RALGAPB: variants seen among roughly 807,000 people sequenced by gnomAD.
RALGAPB encodes ral GTPase-activating protein subunit beta.
RALGAPB carries 25 observed loss-of-function variants against 161.1 expected under a neutral mutation model. The ratio of observed to expected loss-of-function variants is 0.16; its 90% CI spans 0.11 to 0.22. RALGAPB has a LOEUF of 0.22. Among genes scored for constraint, RALGAPB ranks in the 10% least tolerant of loss-of-function variants. The pLI is 1.00. For missense variants in RALGAPB, 1,391 were observed against 1,815.2 expected (o/e 0.77, Z 4.25); for synonymous variants, 629 against 626.1 (o/e 1.00, Z -0.07).
chr20:38,534,966 T>C, intron 15 of RALGAPB, 108 bp from the exon 16 acceptor site: 3 of 1,364,212 alleles, frequency 2.2e-6, no homozygotes, highest in South Asian at 2.6e-5. Flanking sequence ...TGCCCGTCGT[T>C]CTCACTGTGG....
At chr20:38,559,348 TGAG>T (rs991753232) in intron 23 of RALGAPB, among the ~76,000 whole-genome samples, 4 of 152,178 alleles carry the variant, frequency 2.6e-5, no homozygotes, top group African/African-American at 9.7e-5. Flanking sequence ...TCATTTCAGT[TGAG>T]GAATGCATAG....
intron 12 of RALGAPB, 99 bp downstream of exon 12, chr20:38,525,617 T>G (rs1600945578): frequency 2.0e-6 from 2 of 986,088 alleles, no homozygotes. Context: ...CTTTTTTTAT[T>G]TTTCAATTCA....
At chr20:38,528,499 T>A (rs2086542937) in intron 13 of RALGAPB, among the ~76,000 whole-genome samples, 1 of 152,024 alleles carries the variant, frequency 6.6e-6, no homozygotes, top group Non-Finnish European at 1.5e-5. Context: ...ACCTCTGAAG[T>A]AGCTGGGACC....
chr20:38,509,300 G>T, intron 6 of RALGAPB, 92 bp downstream of exon 6: 4 of 1,368,040 alleles, frequency 2.9e-6, no homozygotes, highest in Non-Finnish European at 4.1e-6. Context: ...AATTCAGAAG[G>T]TGGACACTAA....
intron 2 of RALGAPB, among the ~76,000 whole-genome samples, chr20:38,489,973 GAA>G (rs754080997): frequency 2.0e-5 from 3 of 151,328 alleles, no homozygotes; most frequent in Non-Finnish European, 2.9e-5. Flanking sequence ...TCTCACCATT[GAA>G]AAGAGATGAG....
Position 38,564,882 on chromosome 20 carries a change from CTTCCTCCTCCTCTT to C in RALGAPB, c.3698-464_3698-451del, listed in dbSNP as rs554944497. On this transcript the variant is annotated intron_variant, in intron 24 of 29. Transcript: ENST00000262879. Reference sequence around the variant, plus strand: ...CTGTCTCTTCCTCCCTCCTCCTCCTCTTCCTCCTCCTCTTTTCCTCCTCCTCCTCCCTTCTTCTT... The same window carrying C: ...CTGTCTCTTCCTCCCTCCTCCTCCTCTTCCTCCTCCTCCTCCCTTCTTCTT... Among the ~76,000 whole-genome samples, 23 of 151,542 alleles carry C rather than the reference CTTCCTCCTCCTCTT, an allele frequency of 1.5e-4. No homozygotes were observed. The East Asian group carries it at 3.3e-3, about 22-fold the overall frequency.
intron 2 of RALGAPB, among the ~76,000 whole-genome samples, chr20:38,491,712 A>G (rs1221980573): frequency 1.3e-5 from 2 of 152,154 alleles, no homozygotes; most frequent in African/African-American, 4.8e-5. Context: ...TTATGTGTAC[A>G]GTAAGGATAG....
intron 14 of RALGAPB, among the ~76,000 whole-genome samples, chr20:38,531,978 A>G (rs1414965636): frequency 1.3e-5 from 2 of 152,076 alleles, no homozygotes; most frequent in Non-Finnish European, 2.9e-5. Context: ...TAACCCTAGT[A>G]TTGTTTGTGT....
intron 19 of RALGAPB, 112 bp from the exon 20 acceptor site, chr20:38,548,577 T>C: frequency 1.2e-6 from 1 of 830,818 alleles, no homozygotes; most frequent in Non-Finnish European, 1.9e-6. Flanking sequence ...AGATCAAAGC[T>C]TAGGAAACAC....
intron 1 of RALGAPB, among the ~76,000 whole-genome samples, chr20:38,479,140 T>G (rs887970609): frequency 2.6e-5 from 4 of 152,126 alleles, no homozygotes; most frequent in African/African-American, 9.6e-5. Flanking sequence ...CATCTTTGAT[T>G]TCTCTTGTCT....
intron 1 of RALGAPB, among the ~76,000 whole-genome samples, chr20:38,485,626 C>T (rs2085091282): frequency 6.6e-6 from 1 of 152,110 alleles, no homozygotes; most frequent in Non-Finnish European, 1.5e-5. Flanking sequence ...GGGGTTTTGC[C>T]CTGTTGGCCA....
At chr20:38,540,819 A>G (rs1568956983) in intron 17 of RALGAPB, among the ~76,000 whole-genome samples, 1 of 152,172 alleles carries the variant, frequency 6.6e-6, no homozygotes, top group African/African-American at 2.4e-5. Flanking sequence ...TATTTATCTA[A>G]CACTCTAAAC....
chr20:38,503,153 T>A (rs2085646478), intron 5 of RALGAPB, among the ~76,000 whole-genome samples: 1 of 152,252 alleles, frequency 6.6e-6, no homozygotes, highest in Admixed American at 6.5e-5. Context: ...TTTATTTAGC[T>A]TTCTTTATTG....
intron 26 of RALGAPB, chr20:38,569,656 C>T: frequency 2.8e-5 from 13 of 461,852 alleles, no homozygotes; most frequent in South Asian, 1.5e-4. Flanking sequence ...TTCAGTATTC[C>T]TTCCTTTTTT....
chr20:38,546,182 C>A, intron 18 of RALGAPB, 61 bp from the exon 19 acceptor site: 1 of 1,605,936 alleles, frequency 6.2e-7, no homozygotes, highest in South Asian at 1.1e-5. Context: ...CACATTGATG[C>A]ACAAGGTAAA....
chr20:38,544,927 A>T (rs2087112561), intron 18 of RALGAPB, among the ~76,000 whole-genome samples: 1 of 152,020 alleles, frequency 6.6e-6, no homozygotes. Context: ...TTTACCTTTC[A>T]TGTGTTTTTC....
At chr20:38,497,624 T>G in intron 4 of RALGAPB, 108 bp downstream of exon 4, 1 of 1,209,700 alleles carries the variant, frequency 8.3e-7, no homozygotes, top group South Asian at 1.5e-5. Flanking sequence ...GGCATGATGG[T>G]TTACAAACAA....
At chr20:38,478,239 T>G (rs1256160802) in intron 1 of RALGAPB, among the ~76,000 whole-genome samples, 1 of 152,240 alleles carries the variant, frequency 6.6e-6, no homozygotes, top group African/African-American at 2.4e-5. Flanking sequence ...CCAGATCCGC[T>G]GTTACTTGAT....
intron 2 of RALGAPB, among the ~76,000 whole-genome samples, chr20:38,489,518 G>A (rs1180555776): frequency 6.6e-6 from 1 of 152,104 alleles, no homozygotes; most frequent in Non-Finnish European, 1.5e-5. Flanking sequence ...GTCATGAAGG[G>A]GCCCTGAGAA....
Sources: gnomAD v4.1 joint callset for allele counts (sites outside exome capture counted in the v4.1 genomes callset) on GRCh38, gnomAD v4.1.1 for gene constraint, MANE v1.5 for transcripts, NCBI Gene and HGNC (gene_info 2026-07-23, HGNC 2026-07-21) for gene names.